Variants in CANX observed in about 807,000 individuals in gnomAD.
CANX encodes the protein calnexin, also known as epididymis secretory sperm binding protein.
A neutral mutation model predicts 75.7 loss-of-function variants in CANX; 14 were observed. That is an observed-to-expected ratio of 0.19 (90% CI 0.12 to 0.29). The LOEUF (loss-of-function observed/expected upper bound fraction) is 0.29. CANX is among the 10% of genes least tolerant of loss of function. CANX has a pLI of 1.00. For missense variants in CANX, 567 were observed against 713.2 expected (o/e 0.79, Z 2.34); for synonymous variants, 227 against 236.9 (o/e 0.96, Z 0.38).
intron 8 of CANX, among the ~76,000 whole-genome samples, chr5:179,718,324 GCAC>G (rs1235609140): frequency 6.6e-6 from 1 of 151,802 alleles, no homozygotes; most frequent in Non-Finnish European, 1.5e-5. Flanking sequence ...CTACAAGCGT[GCAC>G]CACTGCACTC....
intron 1 of CANX, among the ~76,000 whole-genome samples, chr5:179,702,996 C>T (rs1467656099): frequency 6.6e-6 from 1 of 151,986 alleles, no homozygotes; most frequent in Non-Finnish European, 1.5e-5. Context: ...CTTGAACTCC[C>T]GAACTCAGGT....
At chr5:179,725,927 G>C (rs1372220077) in intron 13 of CANX, among the ~76,000 whole-genome samples, 1 of 146,954 alleles carries the variant, frequency 6.8e-6, no homozygotes, top group Non-Finnish European at 1.5e-5. Flanking sequence ...GGCAGAGGTT[G>C]CAGTGAGCCG....
rs1339203509 is a variant in CANX, at chr5:179,722,752, A to T, written c.1183-52A>T. The T allele has an allele frequency of 4.6e-6, 6 of 1,300,384 alleles. No homozygotes were observed. The South Asian group carries it at 7.5e-5, about 16-fold the overall frequency. The allele number at this position is 1,300,384 out of a possible 1,614,324, so 80.6% of individuals were successfully genotyped here. ...TTCTCTTACGGTAGATTCACCATAA[A>T]CTTTTGTTGATCATTATCTGAAATG... On this transcript the variant is annotated intron_variant, in intron 10 of 14. Transcript: ENST00000247461.
intron 1 of CANX, among the ~76,000 whole-genome samples, chr5:179,682,788 G>C (rs1425575688): frequency 6.6e-6 from 1 of 151,324 alleles, no homozygotes; most frequent in Non-Finnish European, 1.5e-5. Flanking sequence ...AAGTGATTTT[G>C]GGACAGGGTG....
At chr5:179,728,559 C>T in intron 14 of CANX, 32 bp from the exon 15 acceptor site, 1 of 1,269,538 alleles carries the variant, frequency 7.9e-7, no homozygotes, top group Non-Finnish European at 1.1e-6. Context: ...TTTAAATGTG[C>T]TAATTATAAT....
At chr5:179,712,682 C>T (rs1777656498) in intron 7 of CANX, among the ~76,000 whole-genome samples, 1 of 151,508 alleles carries the variant, frequency 6.6e-6, no homozygotes, top group South Asian at 2.1e-4. Context: ...GCCTCAGCCT[C>T]CCAAACTGCT....
chr5:179,716,178 C>T lies in CANX; in HGVS notation c.795C>T (p.Asp265=), dbSNP rs1472398470. 2 of 1,613,110 alleles carry T rather than the reference C, an allele frequency of 1.2e-6. No individual in the cohort carries two copies. The highest frequency in any genetic ancestry group is 1.7e-6 in the Non-Finnish European group (2 of 1,179,032). Residue 265 remains aspartate, a synonymous_variant, in exon 8 of 15, where the codon GAC becomes GAT. Transcript: ENST00000247461. The part of the protein sequence containing the change: ...SVVNSGNLLN[D]MTPPVNPSRE... ...TGAATAGTGGAAATCTGCTCAATGA[C>T]ATGACTCCTCCTGTAAATCCTTCAC...
chr5:179,680,846 G>C (rs1370596885), intron 1 of CANX: 1 of 1,527,054 alleles, frequency 6.5e-7, no homozygotes, highest in Admixed American at 2.0e-5. Flanking sequence ...CTCACATATA[G>C]GTGGACAGAG....
At chr5:179,680,527 G>C (rs1032987892) in intron 1 of CANX, among the ~76,000 whole-genome samples, 6 of 152,088 alleles carry the variant, frequency 3.9e-5, no homozygotes, top group African/African-American at 1.4e-4. Context: ...TGACATCCTG[G>C]GGTGTGTGCC....
Position 179,716,280 on chromosome 5 carries a change from C to T in CANX, c.897C>T (p.Val299=), listed in dbSNP as rs754784081. Residue 299 remains valine (V), a synonymous_variant, in exon 8 of 15, where the codon GTC becomes GTT. Coordinates refer to ENST00000247461, the MANE Select transcript of CANX (RefSeq NM_001746.4). ...CAAAAATCCCAGATCCAGAAGCTGT[C>T]AAGCCAGATGACTGGTGAGTCTTGG... The part of the protein sequence containing the change: ...ERPKIPDPEA[V]KPDDWDEDAP... The T allele has an allele frequency of 2.5e-6, 4 of 1,613,772 alleles. No individual in the cohort carries two copies. In the East Asian group the frequency reaches 8.9e-5, roughly 36 times the overall value.
At chr5:179,727,916 CTG>C (rs1324407167) in intron 14 of CANX, among the ~76,000 whole-genome samples, 2 of 152,218 alleles carry the variant, frequency 1.3e-5, no homozygotes, top group African/African-American at 4.8e-5. Context: ...CCCAGCACCT[CTG>C]TGTCTAAATC....
At chr5:179,726,507 C>T (rs1168984594) in intron 13 of CANX, among the ~76,000 whole-genome samples, 173 bp from the exon 14 acceptor site, 1 of 149,524 alleles carries the variant, frequency 6.7e-6, no homozygotes, top group East Asian at 2.0e-4. Flanking sequence ...ACCCGGGAGG[C>T]GGAGTTTGCA....
intron 4 of CANX, among the ~76,000 whole-genome samples, chr5:179,707,494 G>A (rs780875137): frequency 2.0e-5 from 3 of 148,366 alleles, no homozygotes; most frequent in Non-Finnish European, 3.0e-5. Flanking sequence ...TGAGGCAGGA[G>A]AATGGTGTGA....
At chr5:179,704,568 G>T (rs1458887545) in intron 1 of CANX, 1 of 152,038 alleles carries the variant, frequency 6.6e-6, no homozygotes, top group African/African-American at 2.4e-5. Flanking sequence ...AGGTGCAGTG[G>T]CTCACGCCTG....
chr5:179,712,181 T>G lies in CANX; in HGVS notation c.721+2116T>G, dbSNP rs556173517. Among the ~76,000 whole-genome samples the G allele has an allele frequency of 2.0e-5, 3 of 151,652 alleles. No individual in the cohort carries two copies. The East Asian group carries it at 5.8e-4, about 29-fold the overall frequency. On this transcript the variant is annotated intron_variant, in intron 7 of 14. Transcript: ENST00000247461. Reference sequence around the variant, plus strand: ...AATTTCTTCCTTTTTTTTGTTGTTGTTGTTGAGAAATGTTGAATAATAGAA... The same window carrying G: ...AATTTCTTCCTTTTTTTTGTTGTTGGTGTTGAGAAATGTTGAATAATAGAA...
In CANX at chr5:179,709,973, A is replaced by G. The variant is rs1450630294; in HGVS notation, c.629A>G (p.Lys210Arg). The change falls in exon 7 of 15, where the codon AAA becomes AGA. Residue 210 changes from lysine to arginine, a missense_variant. Lys to Arg is a conservative substitution (Grantham distance 26, BLOSUM62 2). Coordinates refer to ENST00000247461, the MANE Select transcript of CANX (RefSeq NM_001746.4). ...TTCATCTTCCGACACAAAAACCCCA[A>G]AACGGGTATCTATGAAGAAAAACAT... is the stretch of plus-strand genomic sequence containing the variant. ...LHFIFRHKNPKTGIYEEKHAK... is the reference protein window; with the variant it reads ...LHFIFRHKNPRTGIYEEKHAK... The G allele has an allele frequency of 6.2e-7, 1 of 1,613,176 alleles. No homozygotes were observed. The highest frequency in any genetic ancestry group is 1.3e-5 in the African/African-American group (1 of 74,910).
At chr5:179,724,831 T>C in intron 13 of CANX, 48 bp downstream of exon 13, 1 of 1,560,390 alleles carries the variant, frequency 6.4e-7, no homozygotes, top group Non-Finnish European at 8.7e-7. Flanking sequence ...GACCCTACGA[T>C]GTTGTTAAAC....
chr5:179,725,442 G>C (rs1309309229), intron 13 of CANX, among the ~76,000 whole-genome samples: 7 of 151,926 alleles, frequency 4.6e-5, no homozygotes, highest in African/African-American at 1.7e-4. Flanking sequence ...AGCACTTTGG[G>C]GGGCCGAAGC....
chr5:179,683,237 C>A (rs1327030394), intron 1 of CANX, among the ~76,000 whole-genome samples: 1 of 152,154 alleles, frequency 6.6e-6, no homozygotes, highest in Non-Finnish European at 1.5e-5. Context: ...ACACCATTCT[C>A]CTGCCTCAGC....
Sources: allele counts gnomAD v4.1 joint callset (sites outside exome capture counted in the v4.1 genomes callset), GRCh38; gene constraint gnomAD v4.1.1; transcripts MANE v1.5; gene names NCBI Gene and HGNC (gene_info 2026-07-23, HGNC 2026-07-21).